CCDC7: variants seen among roughly 807,000 people sequenced by gnomAD.
CCDC7 encodes the protein coiled-coil domain-containing protein 7.
Under a neutral mutation model 196.9 loss-of-function variants are expected in CCDC7, and 183 were observed. The ratio of observed to expected loss-of-function variants is 0.93; its 90% CI spans 0.82 to 1.05. The LOEUF (loss-of-function observed/expected upper bound fraction) is 1.05, where lower values mean the gene tolerates loss of function less well. Among genes scored for constraint, CCDC7 ranks in the 50% least tolerant of loss-of-function variants. The probability of loss-of-function intolerance (pLI) is 0.00; values close to 1 mark genes in which losing one functional copy is unlikely to be tolerated. For synonymous variants in CCDC7, 525 were observed against 484.6 expected, an observed-to-expected ratio of 1.08 and a Z score of -1.10; for missense variants, 1,540 against 1,482.2, an observed-to-expected ratio of 1.04 and a Z score of -0.64.
At chr10:32,675,973 G>A (rs2074892854) in intron 21 of CCDC7, among the ~76,000 whole-genome samples, 2 of 151,390 alleles carry the variant, frequency 1.3e-5, no homozygotes, top group South Asian at 4.2e-4. Context: ...CACGCTACCT[G>A]ACTTCCAACT....
chr10:32,574,329 A>G, intron 16 of CCDC7: 5 of 540,558 alleles, frequency 9.2e-6, no homozygotes, highest in African/African-American at 2.1e-5. Flanking sequence ...AATATAATAT[A>G]TTACATATTA....
chr10:32,567,643 A>G, intron 14 of CCDC7, 27 bp from the exon 16 acceptor site: 1 of 1,585,064 alleles, frequency 6.3e-7, no homozygotes, highest in South Asian at 1.2e-5. Flanking sequence ...GAAAATGCTT[A>G]ATAAACTGGT....
intron 9 of CCDC7, among the ~76,000 whole-genome samples, chr10:32,516,067 C>T (rs992439485): frequency 2.6e-5 from 4 of 151,272 alleles, no homozygotes; most frequent in African/African-American, 7.3e-5. Context: ...CTATCAAAAA[C>T]ATGAAAAAAA....
chr10:32,868,711 A>C (rs2094305400), intron 41 of CCDC7, among the ~76,000 whole-genome samples: 2 of 133,016 alleles, frequency 1.5e-5, no homozygotes, highest in South Asian at 3.0e-4. Context: ...AATGCTATCC[A>C]TCCCCCCTCC....
At chr10:32,661,361 T>G (rs949265222) in intron 20 of CCDC7, among the ~76,000 whole-genome samples, 4 of 151,874 alleles carry the variant, frequency 2.6e-5, no homozygotes. Context: ...GGAACACTTT[T>G]ACACTGTTGG....
At chr10:32,762,923 A>C (rs1433842869) in intron 28 of CCDC7, among the ~76,000 whole-genome samples, 4 of 151,944 alleles carry the variant, frequency 2.6e-5, no homozygotes, top group African/African-American at 9.7e-5. Context: ...AGAAAACATA[A>C]GGGAAAAACT....
chr10:32,617,224 C>T (rs1010058733), intron 18 of CCDC7, among the ~76,000 whole-genome samples: 1 of 151,482 alleles, frequency 6.6e-6, no homozygotes, highest in African/African-American at 2.4e-5. Flanking sequence ...TTTTCTTTAC[C>T]CTTTCAAAGA....
chr10:32,616,558 T>G (rs2062792604), intron 18 of CCDC7, among the ~76,000 whole-genome samples: 1 of 151,680 alleles, frequency 6.6e-6, no homozygotes, highest in Non-Finnish European at 1.5e-5. Flanking sequence ...GAGGTTTTTT[T>G]TTTTTGGTGA....
chr10:32,697,277 T>G (rs2141390168), intron 24 of CCDC7, among the ~76,000 whole-genome samples: 1 of 152,080 alleles, frequency 6.6e-6, no homozygotes, highest in African/African-American at 2.4e-5. Context: ...AGAAGATGAG[T>G]GATTTCTGCA....
intron 31 of CCDC7, among the ~76,000 whole-genome samples, chr10:32,820,014 G>A (rs1005868806): frequency 1.3e-5 from 2 of 152,190 alleles, no homozygotes; most frequent in Non-Finnish European, 2.9e-5. Context: ...TAGGAAAAGA[G>A]GAAGTCACAT....
rs1232646522 is a variant in CCDC7 at position 32,537,148 on chromosome 10, A to G, written c.994-6152A>G. 2.0e-5 allele frequency among the ~76,000 whole-genome samples: 3 copies of G among 151,976 alleles called. No homozygotes were observed. In the South Asian group the frequency reaches 6.2e-4, roughly 32 times the overall value. On this transcript the variant is annotated intron_variant, in intron 11 of 41. Transcript: ENST00000639629. Reference sequence around the variant, plus strand: ...GCATAAGTCTTCCCTTTTCTCCTCAACCTCACTGGCATCTGTTACTTTTTG... The same window carrying G: ...GCATAAGTCTTCCCTTTTCTCCTCAGCCTCACTGGCATCTGTTACTTTTTG...
At chr10:32,752,873 T>G (rs1191854590) in intron 28 of CCDC7, among the ~76,000 whole-genome samples, 1 of 152,086 alleles carries the variant, frequency 6.6e-6, no homozygotes, top group Non-Finnish European at 1.5e-5. Flanking sequence ...ATTATGTAAT[T>G]TTTTTTCCTG....
At chr10:32,816,039 A>C (rs1407345648) in intron 31 of CCDC7, among the ~76,000 whole-genome samples, 1 of 152,222 alleles carries the variant, frequency 6.6e-6, no homozygotes, top group Admixed American at 6.5e-5. Flanking sequence ...AGGGTGAGGC[A>C]TCACCTCACC....
intron 28 of CCDC7, among the ~76,000 whole-genome samples, chr10:32,734,278 C>G (rs1216216558): frequency 6.6e-6 from 1 of 152,158 alleles, no homozygotes; most frequent in Non-Finnish European, 1.5e-5. Flanking sequence ...AGGACAAGAT[C>G]ATGTCCTTTG....
intron 15 of CCDC7, among the ~76,000 whole-genome samples, chr10:32,568,776 A>G (rs559597478): frequency 1.2e-4 from 18 of 152,330 alleles, no homozygotes; most frequent in Non-Finnish European, 1.3e-4. Flanking sequence ...TAAGCTAGCT[A>G]TTAGCACCTC....
intron 18 of CCDC7, among the ~76,000 whole-genome samples, chr10:32,614,711 G>A (rs537082980): frequency 3.3e-5 from 5 of 152,198 alleles, no homozygotes; most frequent in South Asian, 4.1e-4. Flanking sequence ...TCCACAGCTG[G>A]TACTCACACA....
intron 29 of CCDC7, among the ~76,000 whole-genome samples, chr10:32,799,426 G>A (rs935161469): frequency 2.6e-5 from 4 of 152,170 alleles, no homozygotes; most frequent in Admixed American, 6.5e-5. Context: ...TTATTGCAGA[G>A]CCTTCTCCTG....
chr10:32,528,925 A>T (rs1468855956), intron 11 of CCDC7, among the ~76,000 whole-genome samples: 1 of 151,786 alleles, frequency 6.6e-6, no homozygotes, highest in East Asian at 1.9e-4. Flanking sequence ...TTGTATAATG[A>T]CTTCTTTTCC....
intron 25 of CCDC7, among the ~76,000 whole-genome samples, chr10:32,712,736 G>T (rs558555165): frequency 7.2e-4 from 109 of 152,228 alleles, no homozygotes; most frequent in African/African-American, 2.5e-3. Context: ...TATGTCAATT[G>T]GTACATACCA....
Sources: gnomAD v4.1 joint callset for allele counts (sites outside exome capture counted in the v4.1 genomes callset) on GRCh38, gnomAD v4.1.1 for gene constraint, MANE v1.5 for transcripts, NCBI Gene and HGNC (gene_info 2026-07-23, HGNC 2026-07-21) for gene names.